The following MYCBPAP variants were observed in gnomAD, a reference collection of about 807,000 sequenced individuals.
The protein encoded by MYCBPAP is MYCBP-associated protein.
MYCBPAP carries 60 observed loss-of-function variants against 106.1 expected under a neutral mutation model. The observed-to-expected ratio is 0.57, with a 90% confidence interval of 0.46 to 0.70. The LOEUF is 0.70. Among genes scored for constraint, MYCBPAP ranks in the 30% least tolerant of loss-of-function variants. The pLI, the probability that MYCBPAP is intolerant of heterozygous loss-of-function variation, is 0.00. For synonymous variants in MYCBPAP, 407 were observed against 440.6 expected (o/e 0.92, Z 0.95); for missense variants, 1,064 against 1,169.3 (o/e 0.91, Z 1.31).
rs1436549911 is a variant in MYCBPAP, at chr17:50,527,205, C to A, written c.2170-82C>A. 10 of 1,575,294 alleles carry A rather than the reference C, an allele frequency of 6.3e-6. No homozygotes were observed. In the Admixed American group the frequency reaches 1.5e-4, roughly 24 times the overall value. ...CCTCCTGGTTCCTGGTCCCCTGCCACCCATCCCCACATCACCATGCCCTTC... is the reference window on the plus strand; with the variant it reads ...CCTCCTGGTTCCTGGTCCCCTGCCAACCATCCCCACATCACCATGCCCTTC... On this transcript the variant is annotated intron_variant, in intron 14 of 18. Transcript: ENST00000323776.
At chr17:50,528,465 G>C (rs8070515) in intron 16 of MYCBPAP, among the ~76,000 whole-genome samples, 195 bp downstream of exon 16, 109,929 of 152,110 alleles carry the variant, frequency 0.72, 40,107 homozygotes, top group East Asian at 0.87. Context: ...GACCACCTTG[G>C]TTTAGTAATC....
At position 50,528,139 on chromosome 17, in the gene MYCBPAP, G is replaced by T; in HGVS notation, c.2292-16G>T. 6.2e-7 allele frequency: 1 copy of T among 1,609,566 alleles called. No homozygotes were observed. The highest frequency in any genetic ancestry group is 8.5e-7 in the Non-Finnish European group (1 of 1,176,302). On this transcript the variant is annotated splice_polypyrimidine_tract_variant and intron_variant, in intron 15 of 18. Transcript: ENST00000323776. ...TGAGGAGTGATGGCATTTCTCCACTGTGTCTTGCCCTCTAGTTTGCAGCTG... is the reference window on the plus strand; with the variant it reads ...TGAGGAGTGATGGCATTTCTCCACTTTGTCTTGCCCTCTAGTTTGCAGCTG...
At chr17:50,528,526 G>A (rs1303718854) in intron 16 of MYCBPAP, among the ~76,000 whole-genome samples, 169 bp from the exon 17 acceptor site, 1 of 152,216 alleles carries the variant, frequency 6.6e-6, no homozygotes, top group African/African-American at 2.4e-5. Flanking sequence ...TGGCAGAGCT[G>A]GGACCAGAAC....
intron 7 of MYCBPAP, 64 bp from the exon 8 acceptor site, chr17:50,521,046 A>G (rs2034238756): frequency 1.7e-5 from 22 of 1,324,924 alleles, no homozygotes; most frequent in Non-Finnish European, 1.8e-5. Context: ...AGAGCCCTTG[A>G]GAAGTGGGTG....
Position 50,517,311 on chromosome 17 carries a change from A to G in MYCBPAP, c.223A>G (p.Thr75Ala). The change falls in exon 3 of 19, where the codon ACT becomes GCT. Residue 75 changes from threonine (T) to alanine (A), a missense_variant. By Grantham distance (58) the Thr-to-Ala change is moderately conservative. Transcript: ENST00000323776. ...TTTTTAGCAACACATTCCTCGCCTT[A>G]CTGAAAAGGAAGATAAACGTGTCAT... Reference protein sequence around the residue: ...DLKEQHIPRLTEKEDKRVITQ... With the variant: ...DLKEQHIPRLAEKEDKRVITQ... 2 of 1,614,102 alleles carry G rather than the reference A, an allele frequency of 1.2e-6. No homozygotes were observed. Among genetic ancestry groups the G allele is most frequent in the Non-Finnish European group, 1.7e-6 (2 of 1,180,016 alleles).
At chr17:50,525,051 C>G (rs1106730) in intron 13 of MYCBPAP, 28 bp downstream of exon 13, 62 of 1,598,032 alleles carry the variant, frequency 3.9e-5, no homozygotes, top group Middle Eastern at 1.7e-4. Context: ...CCCCTGCCCC[C>G]TCATGTGTGC....
chr17:50,512,386 C>T (rs1309981931), intron 1 of MYCBPAP, among the ~76,000 whole-genome samples: 1 of 152,136 alleles, frequency 6.6e-6, no homozygotes. Flanking sequence ...TCGTGCCACT[C>T]ACGTGCCATG....
At chr17:50,518,894 G>A in intron 5 of MYCBPAP, 80 bp from the exon 6 acceptor site, 2 of 1,466,636 alleles carry the variant, frequency 1.4e-6, no homozygotes, top group Non-Finnish European at 1.9e-6. Context: ...CCCTGTGAGG[G>A]AGGCTGCCCG....
At chr17:50,522,132 G>T in intron 10 of MYCBPAP, 51 bp downstream of exon 10, 1 of 1,453,184 alleles carries the variant, frequency 6.9e-7, no homozygotes. Flanking sequence ...CAGGGGTGCA[G>T]CCCTGAGGTG....
intron 13 of MYCBPAP, 126 bp from the exon 14 acceptor site, chr17:50,525,755 C>A: frequency 8.5e-7 from 1 of 1,172,132 alleles, no homozygotes; most frequent in African/African-American, 1.5e-5. Context: ...CTTCCCAAAG[C>A]ACTGGGATTG....
chr17:50,524,835 G>C, intron 12 of MYCBPAP, 42 bp from the exon 13 acceptor site: 1 of 1,598,792 alleles, frequency 6.3e-7, no homozygotes, highest in Non-Finnish European at 8.5e-7. Flanking sequence ...CATTGGTTTT[G>C]ATAGCCTGGG....
At chr17:50,509,215 G>A (rs1294627193) in intron 1 of MYCBPAP, 4 of 696,020 alleles carry the variant, frequency 5.7e-6, no homozygotes, top group Non-Finnish European at 1.1e-5. Flanking sequence ...GAGCGGGGCA[G>A]GCGTCACTTA....
Position 50,523,659 on chromosome 17 carries a change from G to C in MYCBPAP, c.1510G>C (p.Val504Leu). 1 of 1,614,228 alleles carries C rather than the reference G, an allele frequency of 6.2e-7. No homozygotes were observed. Among genetic ancestry groups the C allele is most frequent in the Non-Finnish European group, 8.5e-7 (1 of 1,180,042 alleles). The change falls in exon 12 of 19, where the codon GTC becomes CTC. Residue 504 changes from valine (V) to leucine (L), a missense_variant. Coordinates refer to ENST00000323776, the MANE Select transcript of MYCBPAP (RefSeq NM_032133.6). ...CTTCTTCAAGTCTTTGACTGCTGGG[G>C]TCTTCAGGGAATTTTGGGAGTTTCG... is the stretch of plus-strand genomic sequence containing the variant. The part of the protein sequence containing the change: ...TFFFKSLTAG[V>L]FREFWEFRTH...
intron 18 of MYCBPAP, chr17:50,530,386 T>C (rs2034594892): frequency 9.8e-6 from 2 of 204,856 alleles, no homozygotes; most frequent in Non-Finnish European, 2.1e-5. Flanking sequence ...TCCCAGCTAC[T>C]TGGGTGGCTG....
chr17:50,511,386 C>T (rs1343131421), intron 1 of MYCBPAP, among the ~76,000 whole-genome samples: 5 of 152,080 alleles, frequency 3.3e-5, no homozygotes, highest in Non-Finnish European at 7.4e-5. Context: ...GATTCCCCTC[C>T]CCAACCAATT....
At chr17:50,513,203 A>G (rs2033918918) in intron 1 of MYCBPAP, among the ~76,000 whole-genome samples, 1 of 119,402 alleles carries the variant, frequency 8.4e-6, no homozygotes, top group African/African-American at 3.5e-5. Context: ...GGGCAACAAG[A>G]GTGAAACTCC....
rs576687845 is a variant in MYCBPAP at position 50,523,284 on chromosome 17, G to A, written c.1447+156G>A. Among the ~76,000 whole-genome samples the A allele has an allele frequency of 1.1e-4, 16 of 152,232 alleles. No homozygotes were observed. The South Asian group carries it at 3.1e-3, about 30-fold the overall frequency. On this transcript the variant is annotated intron_variant, in intron 11 of 18. Coordinates refer to ENST00000323776, the MANE Select transcript of MYCBPAP (RefSeq NM_032133.6). ...ATTCCTTCTGTGAAATGTGTGGCCT[G>A]ACTACTCATGTCTGTTGAGAGACTG...
chr17:50,517,909 C>T lies in MYCBPAP; in HGVS notation c.468+211C>T, dbSNP rs187074458. 5.9e-5 allele frequency among the ~76,000 whole-genome samples: 9 copies of T among 152,334 alleles called. No homozygotes were observed. The East Asian group carries it at 1.7e-3, about 29-fold the overall frequency. ...AAGTCAGGGATTTACTGTAAGGATT[C>T]CAGAGATTGCCTCATGGAACCCAAA... is the stretch of plus-strand genomic sequence containing the variant. On this transcript the variant is annotated intron_variant, in intron 4 of 18. Transcript: ENST00000323776.
rs529955308 is a variant in MYCBPAP at position 50,528,939 on chromosome 17, C to T, written c.2554-79C>T. Reference sequence around the variant, plus strand: ...GAGGTGGGCATGTGCCCAGGCTCTCCCAGTGAGCTACTGTTGAGGACATCC... The same window carrying T: ...GAGGTGGGCATGTGCCCAGGCTCTCTCAGTGAGCTACTGTTGAGGACATCC... On this transcript the variant is annotated intron_variant, in intron 17 of 18. Coordinates refer to ENST00000323776, the MANE Select transcript of MYCBPAP (RefSeq NM_032133.6). 208 of 1,596,772 alleles carry T rather than the reference C, an allele frequency of 1.3e-4. 9 individuals carry two copies. The South Asian group carries it at 2.3e-3, about 18-fold the overall frequency.
Sources: allele counts gnomAD v4.1 joint callset (sites outside exome capture counted in the v4.1 genomes callset), GRCh38; gene constraint gnomAD v4.1.1; transcripts MANE v1.5; gene names NCBI Gene and HGNC (gene_info 2026-07-23, HGNC 2026-07-21).